The following SYNPO variants were observed in gnomAD, a reference collection of about 807,000 sequenced individuals.
The protein encoded by SYNPO is synaptopodin.
In SYNPO, 19 loss-of-function variants were observed where a neutral mutation model predicts 49.5. That is an observed-to-expected ratio of 0.38 (90% CI 0.27 to 0.56). The LOEUF is 0.56. SYNPO is among the 20% of genes least tolerant of loss of function. The pLI is 0.68. For synonymous variants in SYNPO, 536 were observed against 548.0 expected (o/e 0.98, Z 0.31); for missense variants, 1,131 against 1,248.3 (o/e 0.91, Z 1.42).
At chr5:150,628,816 G>A (rs1442861777) in intron 2 of SYNPO, among the ~76,000 whole-genome samples, 2 of 152,218 alleles carry the variant, frequency 1.3e-5, no homozygotes, top group Non-Finnish European at 2.9e-5. Flanking sequence ...GCTGAGGCAG[G>A]AGACTCGCCT....
intron 2 of SYNPO, among the ~76,000 whole-genome samples, chr5:150,628,678 G>T (rs1214489976): frequency 1.3e-5 from 2 of 152,240 alleles, no homozygotes; most frequent in African/African-American, 4.8e-5. Flanking sequence ...GGAGGCCAAG[G>T]CAGGGGGATC....
rs1203774534 is a variant in SYNPO at position 150,652,371 on chromosome 5, AG to A, written c.2028+2072del. ...GCTTCTTTCTTTCTTCCGTGCTGCT[AG>A]GGGTCAGGGTTCCCTTCCTCCTGCC... On this transcript the variant is annotated intron_variant, in intron 2 of 2. Transcript: ENST00000307662. 6 of 986,434 alleles carry A rather than the reference AG, an allele frequency of 6.1e-6. No homozygotes were observed. The African/African-American group carries it at 1.0e-4, about 17-fold the overall frequency. 61.1% of individuals were successfully genotyped at this position (986,434 alleles called of 1,614,324 possible).
chr5:150,617,191 G>T (rs1215327213), intron 1 of SYNPO, among the ~76,000 whole-genome samples: 2 of 152,210 alleles, frequency 1.3e-5, no homozygotes, highest in African/African-American at 4.8e-5. Context: ...GGAAGTGGAG[G>T]TTTAGAGAGG....
upstream of SYNPO, among the ~76,000 whole-genome samples, chr5:150,596,446 G>A (rs1316377509): frequency 6.6e-6 from 1 of 152,102 alleles, no homozygotes; most frequent in East Asian, 1.9e-4. Context: ...AGAAGACGAC[G>A]TTCGATCCCA....
At chr5:150,638,577 G>A (rs992079540), upstream of SYNPO, among the ~76,000 whole-genome samples, 6 of 152,240 alleles carry the variant, frequency 3.9e-5, no homozygotes, top group East Asian at 1.9e-4. Flanking sequence ...GATGGCTTCT[G>A]CTGAGTCTGG....
chr5:150,597,489 G>A (rs747170287), upstream of SYNPO, among the ~76,000 whole-genome samples: 4 of 151,230 alleles, frequency 2.6e-5, no homozygotes, highest in Admixed American at 6.6e-5. Context: ...GCGTCACCAC[G>A]CCTGGCTAAT....
chr5:150,592,704 C>G, the SYNPO span, among the ~76,000 whole-genome samples: 1 of 152,242 alleles, frequency 6.6e-6, no homozygotes, highest in Non-Finnish European at 1.5e-5. Context: ...AGAGGCCACT[C>G]CTCAGTGATT....
At position 150,648,052 on chromosome 5, in the gene SYNPO, G is replaced by GCGTCCAGCTCTTCAA; in HGVS notation, c.-222_-208dup. 4.5e-6 allele frequency: 7 copies of GCGTCCAGCTCTTCAA among 1,551,816 alleles called. No individual in the cohort carries two copies. Among genetic ancestry groups the GCGTCCAGCTCTTCAA allele is most frequent in the Non-Finnish European group, 6.1e-6 (7 of 1,147,008 alleles). On this transcript the variant is annotated 5_prime_UTR_variant, in exon 2 of 3. Coordinates refer to ENST00000307662, the MANE Select transcript of SYNPO (RefSeq NM_007286.6). The surrounding 1 kb of genome is among the most constrained non-coding windows in gnomAD (Gnocchi z 5.0). ...ACCCCTCCCAGCTCCAATTCCCGTG[G>GCGTCCAGCTCTTCAA]CGTCCAGCTCTTCAACAGGCGCCGG...
At chr5:150,637,661 T>C (rs1363354966), upstream of SYNPO, among the ~76,000 whole-genome samples, 1 of 152,222 alleles carries the variant, frequency 6.6e-6, no homozygotes, top group African/African-American at 2.4e-5. Flanking sequence ...GGGATAAACC[T>C]CATCTCTCTG....
At chr5:150,656,129 G>A (rs1336454430) in intron 2 of SYNPO, among the ~76,000 whole-genome samples, 12 of 152,220 alleles carry the variant, frequency 7.9e-5, no homozygotes, top group Admixed American at 7.2e-4. Context: ...GCCCAGAGGG[G>A]TGAAGTAACT....
rs182877091 is a variant in SYNPO at position 150,654,526 on chromosome 5, T to C, written c.2029-1878T>C. On this transcript the variant is annotated intron_variant, in intron 2 of 2. Coordinates refer to ENST00000307662, the MANE Select transcript of SYNPO (RefSeq NM_007286.6). ...TGAGATAAAGGATGAGAATGAAGTT[T>C]GTAGACTGAAAGTCCTTAAGTACAT... 1.8e-4 allele frequency among the ~76,000 whole-genome samples: 27 copies of C among 152,306 alleles called. No homozygotes were observed. In the East Asian group the frequency reaches 5.2e-3, roughly 29 times the overall value.
intron 1 of SYNPO, among the ~76,000 whole-genome samples, chr5:150,644,160 C>T (rs908694140): frequency 2.2e-5 from 3 of 138,828 alleles, no homozygotes; most frequent in African/African-American, 6.0e-5. Context: ...CAGAGCAAGA[C>T]CCTGTCTCAG....
intron 1 of SYNPO, among the ~76,000 whole-genome samples, chr5:150,612,941 G>T (rs1162130924): frequency 6.6e-6 from 1 of 152,070 alleles, no homozygotes; most frequent in Admixed American, 6.5e-5. Context: ...ACAATGCCTG[G>T]CTAATATTTA....
chr5:150,642,275 T>C (rs893588818), intron 1 of SYNPO, among the ~76,000 whole-genome samples: 6 of 152,238 alleles, frequency 3.9e-5, no homozygotes, highest in African/African-American at 1.4e-4. Context: ...CCAGGTCTCC[T>C]GACCCCAGGC....
Position 150,648,178 on chromosome 5 carries a change from C to A in SYNPO, c.-98C>A. ...CTCCCTTCAAGCCTCCCAGGCCATG[C>A]ACCGGGGCTCAGCCTGAGTTCCACC... On this transcript the variant is annotated 5_prime_UTR_variant, in exon 2 of 3. Transcript: ENST00000307662. This position sits in a 1 kb window ranked among gnomAD's most constrained non-coding sequence, Gnocchi z 5.0. The A allele has an allele frequency of 6.4e-7, 1 of 1,569,794 alleles. No individual in the cohort carries two copies. Among genetic ancestry groups the A allele is most frequent in the Non-Finnish European group, 8.6e-7 (1 of 1,156,970 alleles).
the SYNPO span, among the ~76,000 whole-genome samples, chr5:150,592,199 G>GAAA: frequency 8.6e-5 from 13 of 151,902 alleles, 2 homozygotes; most frequent in African/African-American, 1.4e-4. Flanking sequence ...AGAAGAAGAA[G>GAAA]AAAAGATACA....
the SYNPO span, among the ~76,000 whole-genome samples, chr5:150,589,735 A>G: frequency 6.6e-6 from 1 of 152,216 alleles, no homozygotes. Flanking sequence ...GAAAGAGCAA[A>G]TTATTGGATT....
At chr5:150,605,556 G>C (rs79807434) in intron 1 of SYNPO, among the ~76,000 whole-genome samples, 1 of 152,070 alleles carries the variant, frequency 6.6e-6, no homozygotes, top group Non-Finnish European at 1.5e-5. Flanking sequence ...GTACTTACCC[G>C]GACAGGGCCT....
chr5:150,655,880 A>T (rs1300817756), intron 2 of SYNPO, among the ~76,000 whole-genome samples: 1 of 152,064 alleles, frequency 6.6e-6, no homozygotes, highest in Non-Finnish European at 1.5e-5. Context: ...CGAACTCCTG[A>T]CCTCAGGTGA....
Sources: allele counts gnomAD v4.1 joint callset (sites outside exome capture counted in the v4.1 genomes callset), GRCh38; gene constraint gnomAD v4.1.1; non-coding constraint Gnocchi (gnomAD v3.1); transcripts MANE v1.5; gene names NCBI Gene and HGNC (gene_info 2026-07-23, HGNC 2026-07-21).